Variants in DCP1B observed in about 807,000 individuals in gnomAD.
The protein encoded by DCP1B is mRNA-decapping enzyme 1B.
A neutral mutation model predicts 60.5 loss-of-function variants in DCP1B; 47 were observed. That is an observed-to-expected ratio of 0.78 (90% CI 0.61 to 0.99). The LOEUF (loss-of-function observed/expected upper bound fraction) is 0.99. DCP1B is among the 50% of genes least tolerant of loss of function. DCP1B has a pLI of 0.00. For synonymous variants in DCP1B, 267 were observed against 280.3 expected, an observed-to-expected ratio of 0.95 and a Z score of 0.47; for missense variants, 725 against 756.8, an observed-to-expected ratio of 0.96 and a Z score of 0.49.
chr12:1,981,529 G>A (rs2036128646), intron 3 of DCP1B, among the ~76,000 whole-genome samples: 1 of 152,164 alleles, frequency 6.6e-6, no homozygotes, highest in African/African-American at 2.4e-5. Flanking sequence ...ACTAGTAATT[G>A]CCTTTATTTC....
intron 3 of DCP1B, among the ~76,000 whole-genome samples, chr12:1,987,565 A>G (rs1437467501): frequency 6.6e-6 from 1 of 152,164 alleles, no homozygotes; most frequent in African/African-American, 2.4e-5. Context: ...TACATCTACG[A>G]CAGTTCTTTC....
intron 3 of DCP1B, chr12:1,991,464 A>G (rs1050843339): frequency 2.1e-5 from 5 of 237,860 alleles, no homozygotes; most frequent in Non-Finnish European, 4.3e-5. Context: ...AGTGAAATTA[A>G]TAATATATTT....
At chr12:1,953,444 C>T (rs749112612) in intron 6 of DCP1B, among the ~76,000 whole-genome samples, 156 bp from the exon 7 acceptor site, 52 of 151,914 alleles carry the variant, frequency 3.4e-4, no homozygotes, top group Non-Finnish European at 5.6e-4. Context: ...AAATGAGATC[C>T]CCTTTTTAAT....
chr12:1,956,444 G>A (rs2030887699), intron 5 of DCP1B, among the ~76,000 whole-genome samples: 1 of 152,104 alleles, frequency 6.6e-6, no homozygotes, highest in Admixed American at 6.5e-5. Flanking sequence ...TTGTCCCTCA[G>A]GAACCCAGCA....
intron 3 of DCP1B, chr12:1,992,429 T>C (rs895107075): frequency 2.0e-5 from 3 of 153,248 alleles, no homozygotes; most frequent in Non-Finnish European, 4.4e-5. Flanking sequence ...GTTCAAAGAG[T>C]AGGATGAAAA....
downstream of DCP1B, among the ~76,000 whole-genome samples, chr12:1,942,626 G>A (rs1235951571): frequency 6.6e-6 from 1 of 152,174 alleles, no homozygotes. Flanking sequence ...TAGAACTCAG[G>A]ATTAAGAAAC....
chr12:1,979,274 A>G (rs999245746), intron 3 of DCP1B, among the ~76,000 whole-genome samples: 1 of 151,330 alleles, frequency 6.6e-6, no homozygotes, highest in South Asian at 2.1e-4. Context: ...TCGGCCTCCC[A>G]AAGTGTTGGG....
At chr12:1,994,386 A>T (rs2040287455) in intron 2 of DCP1B, among the ~76,000 whole-genome samples, 1 of 152,258 alleles carries the variant, frequency 6.6e-6, no homozygotes, top group South Asian at 2.1e-4. Flanking sequence ...GATACTGATC[A>T]AGGAACACAG....
intron 1 of DCP1B, among the ~76,000 whole-genome samples, chr12:1,998,972 T>G (rs1180706710): frequency 6.6e-6 from 1 of 152,188 alleles, no homozygotes; most frequent in Non-Finnish European, 1.5e-5. Context: ...AAAACAGCAG[T>G]TTTTAAAAGG....
chr12:1,965,457 G>T, intron 5 of DCP1B, 101 bp downstream of exon 5: 1 of 1,299,202 alleles, frequency 7.7e-7, no homozygotes, highest in Non-Finnish European at 1.0e-6. Context: ...ATTTTGTTTG[G>T]TGGAAGGAAC....
chr12:1,990,822 T>A (rs908429708), intron 3 of DCP1B, among the ~76,000 whole-genome samples: 1 of 152,156 alleles, frequency 6.6e-6, no homozygotes, highest in Non-Finnish European at 1.5e-5. Flanking sequence ...ATATAACATA[T>A]TTGAATTCTA....
chr12:1,950,987 A>G (rs1302840918), intron 7 of DCP1B, among the ~76,000 whole-genome samples: 1 of 152,148 alleles, frequency 6.6e-6, no homozygotes. Context: ...AAGTTACATA[A>G]CAGGCCAGGT....
In DCP1B at chr12:1,959,531, A is replaced by T. The variant is rs1055531164; in HGVS notation, c.523-3971T>A. ...TCAGGGAAATGCAAATTAAAACCAC[A>T]GTGAAATATCACCTCAAACCTGGTA... On this transcript the variant is annotated intron_variant, in intron 5 of 8. Coordinates refer to ENST00000280665, the MANE Select transcript of DCP1B (RefSeq NM_152640.5). Among the ~76,000 whole-genome samples the T allele has an allele frequency of 5.3e-4, 80 of 152,256 alleles. 3 individuals are homozygous for T. The highest frequency in any genetic ancestry group is 4.9e-3 in the Admixed American group (75 of 15,292).
chr12:1,942,793 G>T (rs556350329), downstream of DCP1B, among the ~76,000 whole-genome samples: 1 of 152,302 alleles, frequency 6.6e-6, no homozygotes, highest in East Asian at 1.9e-4. Context: ...TCTATCTAAA[G>T]GAGTGTTTAG....
At chr12:1,961,981 T>C (rs2031142106) in intron 5 of DCP1B, among the ~76,000 whole-genome samples, 1 of 152,126 alleles carries the variant, frequency 6.6e-6, no homozygotes, top group Non-Finnish European at 1.5e-5. Context: ...AAGTTTATTA[T>C]ACTCACAGGT....
chr12:1,975,564 C>T (rs1370059724), intron 3 of DCP1B, among the ~76,000 whole-genome samples: 1 of 152,118 alleles, frequency 6.6e-6, no homozygotes, highest in Non-Finnish European at 1.5e-5. Context: ...CAGCTTTTCT[C>T]TGCCAAGAAT....
intron 3 of DCP1B, chr12:1,991,118 TA>T (rs2039297556): frequency 2.2e-6 from 1 of 456,098 alleles, no homozygotes; most frequent in African/African-American, 2.0e-5. Flanking sequence ...TCCCAAAGGC[TA>T]CCTTTAATTT....
At chr12:1,989,935 A>G (rs2154472942) in intron 3 of DCP1B, among the ~76,000 whole-genome samples, 1 of 152,332 alleles carries the variant, frequency 6.6e-6, no homozygotes, top group East Asian at 1.9e-4. Context: ...CTCTCTAATA[A>G]CTGATATATG....
chr12:1,992,876 A>C, intron 3 of DCP1B: 1 of 456,726 alleles, frequency 2.2e-6, no homozygotes, highest in Non-Finnish European at 3.9e-6. Context: ...AGTGATACAT[A>C]AAGAAAAAGT....
Sources: gnomAD v4.1 joint callset for allele counts (sites outside exome capture counted in the v4.1 genomes callset) on GRCh38, gnomAD v4.1.1 for gene constraint, MANE v1.5 for transcripts, NCBI Gene and HGNC (gene_info 2026-07-23, HGNC 2026-07-21) for gene names.